WDR72: variants seen among roughly 807,000 people sequenced by gnomAD.
The protein encoded by WDR72 is WD repeat domain 72.
WDR72 carries 120 observed loss-of-function variants against 124.2 expected under a neutral mutation model. That is an observed-to-expected ratio of 0.97 (90% confidence interval 0.83 to 1.12). The LOEUF (loss-of-function observed/expected upper bound fraction) is 1.12. WDR72 is among the 50% of genes most tolerant of loss of function. The pLI is 0.00. For synonymous variants in WDR72, 452 were observed against 441.7 expected (o/e 1.02, Z -0.29); for missense variants, 1,387 against 1,278.8 (o/e 1.08, Z -1.29).
intron 18 of WDR72, among the ~76,000 whole-genome samples, chr15:53,572,107 T>C (rs1324835524): frequency 6.6e-6 from 1 of 152,164 alleles, no homozygotes; most frequent in East Asian, 1.9e-4. Context: ...TTATATATTT[T>C]GAATATTAAC....
At chr15:53,531,846 T>G (rs987122272) in intron 18 of WDR72, among the ~76,000 whole-genome samples, 1 of 152,098 alleles carries the variant, frequency 6.6e-6, no homozygotes, top group Non-Finnish European at 1.5e-5. Flanking sequence ...AAAATCTCTC[T>G]CTCAATATAG....
chr15:53,581,154 A>G (rs951874848), intron 18 of WDR72, among the ~76,000 whole-genome samples: 5 of 152,024 alleles, frequency 3.3e-5, no homozygotes, highest in African/African-American at 4.8e-5. Context: ...TTAGAGAGCG[A>G]GAGTGTGTGT....
intron 14 of WDR72, among the ~76,000 whole-genome samples, chr15:53,638,930 G>C (rs1478936939): frequency 6.6e-6 from 1 of 151,922 alleles, no homozygotes; most frequent in African/African-American, 2.4e-5. Context: ...TTGAACCCGG[G>C]AGGGTTGCAG....
intron 14 of WDR72, among the ~76,000 whole-genome samples, chr15:53,641,509 A>G (rs1427694010): frequency 1.3e-5 from 2 of 152,036 alleles, no homozygotes; most frequent in African/African-American, 4.8e-5. Flanking sequence ...TAATCAACTC[A>G]TTGGTTCCTG....
rs186386239 is a variant in WDR72, at chr15:53,619,492, A to G, written c.1963-3249T>C. On this transcript the variant is annotated intron_variant, in intron 14 of 19. Transcript: ENST00000360509. The stretch of plus-strand genomic sequence containing the variant: ...TCAAGATTATGGTTATTAATACTTA[A>G]GCAAAAGTACTTTCCCCCCTCCATC... Among the ~76,000 whole-genome samples, 173 of 152,138 alleles carry G rather than the reference A, an allele frequency of 1.1e-3. 1 individual carries two copies. The highest frequency in any genetic ancestry group is 4.4e-5 in the Non-Finnish European group (3 of 67,952).
chr15:53,605,779 T>C (rs2013255458), intron 17 of WDR72, among the ~76,000 whole-genome samples: 1 of 151,910 alleles, frequency 6.6e-6, no homozygotes, highest in South Asian at 2.1e-4. Flanking sequence ...CGCTTGAACC[T>C]GGGAGACGGA....
intron 13 of WDR72, among the ~76,000 whole-genome samples, chr15:53,670,404 C>G (rs2015944677): frequency 6.6e-6 from 1 of 152,212 alleles, no homozygotes; most frequent in African/African-American, 2.4e-5. Flanking sequence ...AGGATTTTCA[C>G]TTGTACACAC....
chr15:53,588,048 T>A (rs1025763876), intron 18 of WDR72, among the ~76,000 whole-genome samples: 8 of 152,046 alleles, frequency 5.3e-5, no homozygotes, highest in African/African-American at 1.9e-4. Flanking sequence ...TTTGAAGCAA[T>A]GCCCCTGGAC....
chr15:53,571,678 G>T (rs1894530898), intron 18 of WDR72, among the ~76,000 whole-genome samples: 1 of 152,050 alleles, frequency 6.6e-6, no homozygotes, highest in Non-Finnish European at 1.5e-5. Flanking sequence ...AACAAACAGG[G>T]GAGTGCAGAG....
chr15:53,736,503 A>G (rs1419589861), intron 1 of WDR72, among the ~76,000 whole-genome samples: 5 of 152,192 alleles, frequency 3.3e-5, no homozygotes. Context: ...AGGACAGTGA[A>G]GGAAGTGGCC....
chr15:53,738,586 TTTTG>T (rs58374481), intron 1 of WDR72, among the ~76,000 whole-genome samples: 12,040 of 151,780 alleles, frequency 0.079, 1,248 homozygotes, highest in African/African-American at 0.24. Flanking sequence ...TTTTTTTTGT[TTTTG>T]TTTGTTTGTT....
rs180925155 is a variant in WDR72 at position 53,606,425 on chromosome 15, T to C, written c.2952+3088A>G. 9.2e-5 allele frequency among the ~76,000 whole-genome samples: 14 copies of C among 152,312 alleles called. No individual in the cohort carries two copies. In the East Asian group the frequency reaches 2.3e-3, roughly 25 times the overall value. On this transcript the variant is annotated intron_variant, in intron 17 of 19. Coordinates refer to ENST00000360509, the MANE Select transcript of WDR72 (RefSeq NM_182758.4). ...TAGCTACTCATTCACTCATTAAATA[T>C]GTATTGACTGCCTACTGTCACTTCT...
intron 1 of WDR72, among the ~76,000 whole-genome samples, chr15:53,758,899 G>C (rs1414915344): frequency 6.6e-6 from 1 of 151,738 alleles, no homozygotes; most frequent in Non-Finnish European, 1.5e-5. Flanking sequence ...GATGGTATAA[G>C]TCAGCACCAG....
chr15:53,732,490 A>G (rs942630192), intron 2 of WDR72, among the ~76,000 whole-genome samples: 47 of 152,310 alleles, frequency 3.1e-4, no homozygotes, highest in African/African-American at 1.1e-3. Flanking sequence ...TAGAAGGATG[A>G]CAATAGTAAA....
chr15:53,700,055 T>G (rs1302030591), intron 12 of WDR72, 110 bp from the exon 13 acceptor site: 1 of 1,253,134 alleles, frequency 8.0e-7, no homozygotes, highest in Admixed American at 1.9e-5. Flanking sequence ...AAGCCCCATT[T>G]ACAAAAATGA....
chr15:53,682,174 T>C (rs966809832), intron 13 of WDR72, among the ~76,000 whole-genome samples: 36 of 152,228 alleles, frequency 2.4e-4, no homozygotes, highest in Non-Finnish European at 4.3e-4. Flanking sequence ...CAGACCATTT[T>C]ACTACTTCAT....
chr15:53,556,713 G>A (rs549164113), intron 18 of WDR72, among the ~76,000 whole-genome samples: 23 of 152,048 alleles, frequency 1.5e-4, no homozygotes, highest in Non-Finnish European at 3.1e-4. Flanking sequence ...ATCCACTATA[G>A]CATGCTCATC....
At chr15:53,718,651 T>TTAAAAAACA (rs57539874) in intron 3 of WDR72, among the ~76,000 whole-genome samples, 11,835 of 151,938 alleles carry the variant, frequency 0.078, 1,573 homozygotes, top group African/African-American at 0.27. Flanking sequence ...AATTGAACTA[T>TTAAAAAACA]TAAAAAACAT....
intron 17 of WDR72, among the ~76,000 whole-genome samples, chr15:53,603,773 T>C (rs750065821): frequency 5.9e-5 from 9 of 151,896 alleles, no homozygotes; most frequent in Non-Finnish European, 1.2e-4. Context: ...TACAGCCAAC[T>C]AGAAAGGTGA....
Sources: allele counts gnomAD v4.1 joint callset (sites outside exome capture counted in the v4.1 genomes callset), GRCh38; gene constraint gnomAD v4.1.1; transcripts MANE v1.5; gene names NCBI Gene and HGNC (gene_info 2026-07-23, HGNC 2026-07-21).